The following OPRM1 variants were observed in gnomAD, a reference collection of about 807,000 sequenced individuals.
OPRM1 encodes the protein opioid receptor mu 1, also known as mu-type opioid receptor.
In OPRM1, 27 loss-of-function variants were observed where a neutral mutation model predicts 31.8. The observed-to-expected ratio is 0.85, with a 90% CI of 0.63 to 1.17. The LOEUF is 1.17. Among genes scored for constraint, OPRM1 ranks in the 50% most tolerant of loss-of-function variants. The pLI, the probability that OPRM1 is intolerant of heterozygous loss-of-function variation, is 0.00. For synonymous variants in OPRM1, 196 were observed against 189.9 expected (o/e 1.03, Z -0.26); for missense variants, 536 against 511.1 (o/e 1.05, Z -0.47).
chr6:154,216,274 T>G (rs1486171389), intron 3 of OPRM1, among the ~76,000 whole-genome samples: 1 of 152,044 alleles, frequency 6.6e-6, no homozygotes, highest in Non-Finnish European at 1.5e-5. Flanking sequence ...ATCAATTTCC[T>G]GTTATAATGA....
Position 154,122,776 on chromosome 6 carries a change from G to A in OPRM1, c.*4055G>A, listed in dbSNP as rs1024390650. On this transcript the variant is annotated 3_prime_UTR_variant, in exon 4 of 4. Coordinates refer to ENST00000330432, the MANE Select transcript of OPRM1 (RefSeq NM_000914.5). Reference sequence around the variant, plus strand: ...ACCATTCTTAAAGCAGTAGACAGATGAGTCAAGTTCAATTTAATGCAAACA... The same window carrying A: ...ACCATTCTTAAAGCAGTAGACAGATAAGTCAAGTTCAATTTAATGCAAACA... 2.0e-5 allele frequency among the ~76,000 whole-genome samples: 3 copies of A among 152,170 alleles called. No homozygotes were observed. The highest frequency in any genetic ancestry group is 1.5e-5 in the Non-Finnish European group (1 of 68,026).
At chr6:154,099,234 G>T (rs928349990) in intron 3 of OPRM1, among the ~76,000 whole-genome samples, 2 of 150,478 alleles carry the variant, frequency 1.3e-5, no homozygotes, top group Non-Finnish European at 3.0e-5. Flanking sequence ...GCAATGAGCA[G>T]TGATTGTGCC....
At chr6:154,117,964 A>T (rs17181317) in intron 3 of OPRM1, among the ~76,000 whole-genome samples, 2,367 of 152,198 alleles carry the variant, frequency 0.016, 31 homozygotes, top group Non-Finnish European at 0.023. Flanking sequence ...ATAAAATTTT[A>T]AAAAAATGAT....
At chr6:154,235,798 C>G (rs1319929843) in intron 3 of OPRM1, among the ~76,000 whole-genome samples, 1 of 152,138 alleles carries the variant, frequency 6.6e-6, no homozygotes, top group East Asian at 1.9e-4. Flanking sequence ...GAAAGTTGCT[C>G]AAGGTCACTA....
chr6:154,145,462 A>G (rs1798336122), intron 3 of OPRM1, among the ~76,000 whole-genome samples: 1 of 152,266 alleles, frequency 6.6e-6, no homozygotes, highest in African/African-American at 2.4e-5. Flanking sequence ...TACAGGACTC[A>G]TGCTAAAAAC....
chr6:154,207,463 G>A (rs540290859), intron 3 of OPRM1, among the ~76,000 whole-genome samples: 1 of 152,306 alleles, frequency 6.6e-6, no homozygotes, highest in Admixed American at 6.5e-5. Flanking sequence ...ATAATCAAAT[G>A]ACTTTGGTAG....
chr6:154,221,301 G>A, intron 3 of OPRM1: 1 of 1,613,948 alleles, frequency 6.2e-7, no homozygotes, highest in Admixed American at 1.7e-5. Context: ...AAAAGGTCTT[G>A]ATCTGTGGAT....
At chr6:154,149,199 C>T (rs1347899295) in intron 3 of OPRM1, among the ~76,000 whole-genome samples, 2 of 152,094 alleles carry the variant, frequency 1.3e-5, no homozygotes, top group African/African-American at 4.8e-5. Flanking sequence ...CCTCAGGAAA[C>T]TTAACAATCG....
At chr6:154,091,957 T>C (rs993817907) in intron 3 of OPRM1, 3 of 985,940 alleles carry the variant, frequency 3.0e-6, no homozygotes, top group Admixed American at 6.1e-5. Flanking sequence ...ATTAGCATCA[T>C]GGAAAAGGAG....
chr6:154,049,986 G>T (rs1781878804), intron 1 of OPRM1, among the ~76,000 whole-genome samples: 3 of 152,056 alleles, frequency 2.0e-5, no homozygotes, highest in African/African-American at 7.2e-5. Context: ...ATATGTCTTT[G>T]GTTTTGGCAT....
At chr6:154,070,094 T>C (rs1396480573) in intron 1 of OPRM1, among the ~76,000 whole-genome samples, 1 of 152,184 alleles carries the variant, frequency 6.6e-6, no homozygotes, top group Non-Finnish European at 1.5e-5. Context: ...CTGCCTTCCA[T>C]GATCAGAAGC....
At chr6:154,057,905 G>GT (rs1783634905) in intron 1 of OPRM1, among the ~76,000 whole-genome samples, 1 of 152,098 alleles carries the variant, frequency 6.6e-6, no homozygotes, top group Non-Finnish European at 1.5e-5. Flanking sequence ...AAAAAGTTTT[G>GT]TATCAGTTTT....
intron 3 of OPRM1, among the ~76,000 whole-genome samples, chr6:154,143,256 T>C (rs188784511): frequency 1.3e-5 from 2 of 152,334 alleles, no homozygotes; most frequent in East Asian, 3.9e-4. Context: ...TTCACTCCTC[T>C]GTCCCATTGT....
At chr6:154,180,407 TA>T (rs1305059444) in intron 3 of OPRM1, among the ~76,000 whole-genome samples, 465 of 40,182 alleles carry the variant, frequency 0.012, 3 homozygotes, top group African/African-American at 0.036. Flanking sequence ...TATATATATA[TA>T]TATATATTTT....
intron 1 of OPRM1, among the ~76,000 whole-genome samples, chr6:154,018,382 T>C (rs1224022057): frequency 6.6e-6 from 1 of 152,120 alleles, no homozygotes; most frequent in Non-Finnish European, 1.5e-5. Flanking sequence ...ATCAGGCCAC[T>C]GAACTCCAGC....
intron 1 of OPRM1, among the ~76,000 whole-genome samples, chr6:154,048,678 A>G (rs1023157252): frequency 2.0e-5 from 3 of 152,214 alleles, no homozygotes; most frequent in African/African-American, 7.2e-5. Flanking sequence ...AATTTTCTCA[A>G]TTCACTTTGT....
At chr6:154,082,384 T>C (rs1247014685) in intron 1 of OPRM1, among the ~76,000 whole-genome samples, 2 of 152,194 alleles carry the variant, frequency 1.3e-5, no homozygotes, top group Non-Finnish European at 2.9e-5. Flanking sequence ...TTACCAAAAG[T>C]GTATATTAAG....
At chr6:154,099,644 T>G (rs573873444) in intron 3 of OPRM1, among the ~76,000 whole-genome samples, 5 of 147,364 alleles carry the variant, frequency 3.4e-5, no homozygotes, top group Non-Finnish European at 7.4e-5. Context: ...TATACACACA[T>G]ATATATACAC....
intron 1 of OPRM1, among the ~76,000 whole-genome samples, chr6:154,053,917 C>G (rs1465823234): frequency 6.6e-6 from 1 of 152,180 alleles, no homozygotes; most frequent in Non-Finnish European, 1.5e-5. Flanking sequence ...GGAACCCAGA[C>G]AGGATAAAAT....
Sources: allele counts gnomAD v4.1 joint callset (sites outside exome capture counted in the v4.1 genomes callset), GRCh38; gene constraint gnomAD v4.1.1; transcripts MANE v1.5; gene names NCBI Gene and HGNC (gene_info 2026-07-23, HGNC 2026-07-21).